TTLL11: variants seen among roughly 807,000 people sequenced by gnomAD.
TTLL11 encodes tubulin tyrosine ligase like 11, also known as tubulin polyglutamylase TTLL11.
In TTLL11, 42 loss-of-function variants were observed where a neutral mutation model predicts 51.7. That is an observed-to-expected ratio of 0.81 (90% CI 0.64 to 1.05). The LOEUF is 1.05. Ranked by LOEUF, TTLL11 falls within the 50% of genes least tolerant of loss-of-function variation. The probability of loss-of-function intolerance (pLI) is 0.00; values close to 1 mark genes in which losing one functional copy is unlikely to be tolerated. For synonymous variants in TTLL11, 381 were observed against 383.5 expected, an observed-to-expected ratio of 0.99 and a Z score of 0.08; for missense variants, 799 against 940.4, an observed-to-expected ratio of 0.85 and a Z score of 1.97.
At chr9:121,841,463 T>TCC in intron 8 of TTLL11, among the ~76,000 whole-genome samples, 1 of 152,118 alleles carries the variant, frequency 6.6e-6, no homozygotes, top group East Asian at 1.9e-4. Flanking sequence ...TAAGGCTTCC[T>TCC]CCTCCCTTCG....
intron 1 of TTLL11, among the ~76,000 whole-genome samples, chr9:122,052,419 T>TC (rs1845187139): frequency 6.6e-6 from 1 of 152,210 alleles, no homozygotes; most frequent in Non-Finnish European, 1.5e-5. Flanking sequence ...TGGGAGCAAC[T>TC]CCAAGTCTGT....
Position 122,031,761 on chromosome 9 carries a change from A to G in TTLL11, c.655T>C (p.Trp219Arg). 1 of 1,613,392 alleles carries G rather than the reference A, an allele frequency of 6.2e-7. No homozygotes were observed. Among genetic ancestry groups the G allele is most frequent in the East Asian group, 2.2e-5 (1 of 44,856 alleles). ...AGCTGGAACTCGTCAGGCAGAATCC[A>G]TGAGCGAGGGTAGAAGTTGTACTCC... ...PEEYNFYPRSWILPDEFQLFV... is the reference protein window; with the variant it reads ...PEEYNFYPRSRILPDEFQLFV... Residue 219 changes from tryptophan (W) to arginine (R), a missense_variant, in exon 3 of 9, where the codon TGG becomes CGG. Around this residue, in one of 3 missense-constraint regions of TTLL11, gnomAD observed 468 missense variants for 612.8 expected, o/e 0.76. Coordinates refer to ENST00000321582, the MANE Select transcript of TTLL11 (RefSeq NM_001139442.2).
intron 1 of TTLL11, among the ~76,000 whole-genome samples, chr9:122,087,975 T>C (rs1420706879): frequency 1.3e-5 from 2 of 152,170 alleles, no homozygotes; most frequent in East Asian, 3.8e-4. Context: ...AAATTTAACA[T>C]TGTGGACGCA....
chr9:121,899,365 G>GTGTATATATATATATA (rs1226221957), intron 6 of TTLL11, among the ~76,000 whole-genome samples: 2 of 113,232 alleles, frequency 1.8e-5, no homozygotes, highest in African/African-American at 3.3e-5. Flanking sequence ...ATGTGTGTGT[G>GTGTATATATATATATA]TATATATATA....
intron 6 of TTLL11, among the ~76,000 whole-genome samples, chr9:121,902,202 A>G (rs979822936): frequency 6.6e-6 from 1 of 152,218 alleles, no homozygotes; most frequent in African/African-American, 2.4e-5. Flanking sequence ...TTTGGTGCCT[A>G]TCCTTCCTTA....
chr9:121,997,249 T>C (rs1431403735), intron 3 of TTLL11, among the ~76,000 whole-genome samples: 1 of 146,970 alleles, frequency 6.8e-6, no homozygotes, highest in Non-Finnish European at 1.5e-5. Flanking sequence ...AGGGCCGTCG[T>C]ACCGTGAGAC....
chr9:121,900,615 A>G (rs981912986), intron 6 of TTLL11, among the ~76,000 whole-genome samples: 12 of 152,064 alleles, frequency 7.9e-5, no homozygotes, highest in Non-Finnish European at 1.5e-4. Context: ...TGGAACTCCC[A>G]TTGGATGTAT....
At chr9:121,923,220 C>T (rs13295747) in intron 6 of TTLL11, among the ~76,000 whole-genome samples, 62,836 of 151,982 alleles carry the variant, frequency 0.41, 14,470 homozygotes, top group Non-Finnish European at 0.51. Flanking sequence ...AATTATGGTA[C>T]AACTGCACCC....
intron 3 of TTLL11, among the ~76,000 whole-genome samples, chr9:122,020,859 A>G (rs771857685): frequency 2.8e-4 from 42 of 152,220 alleles, no homozygotes; most frequent in Non-Finnish European, 4.7e-4. Context: ...TGGCATGCTG[A>G]TCTTGGATTT....
At chr9:121,996,195 C>A (rs1843254458) in intron 3 of TTLL11, among the ~76,000 whole-genome samples, 1 of 152,188 alleles carries the variant, frequency 6.6e-6, no homozygotes, top group African/African-American at 2.4e-5. Flanking sequence ...GGCAGTCTCA[C>A]TTCCTGCCCT....
At chr9:121,922,738 C>T (rs1209083794) in intron 6 of TTLL11, among the ~76,000 whole-genome samples, 5 of 147,718 alleles carry the variant, frequency 3.4e-5, no homozygotes, top group African/African-American at 1.0e-4. Flanking sequence ...TTTATTTTAG[C>T]GCAAAGGGTC....
intron 6 of TTLL11, among the ~76,000 whole-genome samples, chr9:121,936,444 A>G (rs756429087): frequency 1.3e-5 from 2 of 152,042 alleles, no homozygotes; most frequent in Non-Finnish European, 2.9e-5. Flanking sequence ...AAGAGCATTT[A>G]TATCAAGCTG....
chr9:122,016,395 G>C (rs1354085816), intron 3 of TTLL11, among the ~76,000 whole-genome samples: 1 of 152,212 alleles, frequency 6.6e-6, no homozygotes, highest in Non-Finnish European at 1.5e-5. Flanking sequence ...TGATAAACCA[G>C]TGGGTTACCC....
chr9:121,891,927 TATGATG>T (rs556128516), intron 6 of TTLL11, among the ~76,000 whole-genome samples: 21 of 149,352 alleles, frequency 1.4e-4, no homozygotes, highest in Non-Finnish European at 2.5e-4. Flanking sequence ...TGTGTATATA[TATGATG>T]ATAATATATA....
intron 6 of TTLL11, among the ~76,000 whole-genome samples, chr9:121,940,300 C>G (rs1841400159): frequency 6.6e-6 from 1 of 152,000 alleles, no homozygotes; most frequent in African/African-American, 2.4e-5. Flanking sequence ...TCTCTCTCTC[C>G]CTCCCTTGGA....
At chr9:121,876,463 A>G (rs542221019) in intron 6 of TTLL11, among the ~76,000 whole-genome samples, 4 of 152,316 alleles carry the variant, frequency 2.6e-5, no homozygotes, top group African/African-American at 9.6e-5. Flanking sequence ...GAAGCATGGG[A>G]CCAAGTGAGG....
intron 2 of TTLL11, among the ~76,000 whole-genome samples, chr9:122,037,921 A>G (rs564959053): frequency 6.6e-6 from 1 of 152,206 alleles, no homozygotes; most frequent in Non-Finnish European, 1.5e-5. Context: ...CACCCCCTGT[A>G]TAACGTATGG....
At chr9:121,928,342 C>T (rs1309682675) in intron 6 of TTLL11, among the ~76,000 whole-genome samples, 2 of 152,058 alleles carry the variant, frequency 1.3e-5, no homozygotes, top group Non-Finnish European at 2.9e-5. Flanking sequence ...TGTACATGTA[C>T]ACATAACCAT....
In TTLL11 at chr9:122,071,214, C is replaced by T. The variant is rs141437700; in HGVS notation, c.462+21473G>A. ...GTCTCTTTAGGATTTTACTTCCACA[C>T]GGTCTGAATTTGATTTAACTCTGTG... On this transcript the variant is annotated intron_variant, in intron 1 of 8. Transcript: ENST00000321582. 1.6e-4 allele frequency among the ~76,000 whole-genome samples: 25 copies of T among 152,282 alleles called. No individual in the cohort carries two copies. In the East Asian group the frequency reaches 3.5e-3, roughly 21 times the overall value.
Sources: gnomAD v4.1 joint callset for allele counts (sites outside exome capture counted in the v4.1 genomes callset) on GRCh38, gnomAD v4.1.1 for gene constraint, gnomAD v4.1.1 regional missense constraint, MANE v1.5 for transcripts, NCBI Gene and HGNC (gene_info 2026-07-23, HGNC 2026-07-21) for gene names.